The following PTPN1 variants were observed in gnomAD, a reference collection of about 807,000 sequenced individuals.
The protein encoded by PTPN1 is tyrosine-protein phosphatase non-receptor type 1.
PTPN1 carries 12 observed loss-of-function variants against 59.9 expected under a neutral mutation model. The ratio of observed to expected loss-of-function variants is 0.20; its 90% CI spans 0.13 to 0.32. PTPN1 has a LOEUF of 0.32. Ranked by LOEUF, PTPN1 falls within the 10% of genes least tolerant of loss-of-function variation. PTPN1 has a pLI of 1.00. For synonymous variants in PTPN1, 178 were observed against 203.6 expected, an observed-to-expected ratio of 0.87 and a Z score of 1.07; for missense variants, 356 against 549.2, an observed-to-expected ratio of 0.65 and a Z score of 3.52.
At chr20:50,551,501 A>G (rs959773600) in intron 1 of PTPN1, among the ~76,000 whole-genome samples, 2 of 152,250 alleles carry the variant, frequency 1.3e-5, no homozygotes, top group African/African-American at 2.4e-5. Flanking sequence ...ATTTACCTGT[A>G]AGCTTTGGGC....
At chr20:50,524,607 C>T (rs1275333099) in intron 1 of PTPN1, among the ~76,000 whole-genome samples, 3 of 81,530 alleles carry the variant, frequency 3.7e-5, no homozygotes, top group Non-Finnish European at 6.5e-5. Flanking sequence ...GGTGGAGTCT[C>T]GCTCTGTCAC....
At chr20:50,515,464 T>A (rs7360470) in intron 1 of PTPN1, among the ~76,000 whole-genome samples, 4,983 of 152,204 alleles carry the variant, frequency 0.033, 228 homozygotes, top group African/African-American at 0.1. Context: ...ATTTTTTTTT[T>A]AAATTTTTAT....
chr20:50,540,399 T>C (rs747725791), intron 1 of PTPN1, among the ~76,000 whole-genome samples: 1 of 152,038 alleles, frequency 6.6e-6, no homozygotes, highest in Non-Finnish European at 1.5e-5. Flanking sequence ...AACAGAAAAA[T>C]TATGAGAGAG....
intron 1 of PTPN1, 94 bp downstream of exon 1, chr20:50,510,684 C>T (rs908563226): frequency 7.7e-7 from 1 of 1,291,840 alleles, no homozygotes; most frequent in Non-Finnish European, 1.1e-6. Flanking sequence ...CTGGGTCTTG[C>T]CCTCTGCCTC....
rs373051248 is a variant in PTPN1 at position 50,582,654 on chromosome 20, G to C, written c.1285-38G>C. On this transcript the variant is annotated intron_variant, in intron 9 of 9. Transcript: ENST00000371621. This position sits in a 1 kb window ranked among gnomAD's most constrained non-coding sequence, Gnocchi z 4.2. ...CATGAGGCGACAGCTCTGCAGGTGC[G>C]GGTCTGGGCTCATCTGAACTGTTTG... 6.2e-7 allele frequency: 1 copy of C among 1,611,216 alleles called. No homozygotes were observed. The highest frequency in any genetic ancestry group is 1.1e-5 in the South Asian group (1 of 90,406).
At chr20:50,512,301 A>G (rs1372024198) in intron 1 of PTPN1, among the ~76,000 whole-genome samples, 7 of 152,242 alleles carry the variant, frequency 4.6e-5, no homozygotes, top group East Asian at 1.9e-4. Flanking sequence ...ACCCCATCAC[A>G]GTGGAAGCAT....
At chr20:50,531,122 C>G (rs560777570) in intron 1 of PTPN1, among the ~76,000 whole-genome samples, 2 of 152,244 alleles carry the variant, frequency 1.3e-5, no homozygotes, top group East Asian at 3.9e-4. Flanking sequence ...GGGCTACTTT[C>G]CTGGAGCCTT....
chr20:50,566,252 C>A (rs1024008759), intron 3 of PTPN1, among the ~76,000 whole-genome samples: 1 of 152,154 alleles, frequency 6.6e-6, no homozygotes, highest in African/African-American at 2.4e-5. Context: ...GAGGACTTTG[C>A]TTTTTGGAGA....
chr20:50,559,085 G>T (rs1288930997), intron 1 of PTPN1, among the ~76,000 whole-genome samples: 1 of 144,546 alleles, frequency 6.9e-6, no homozygotes, highest in East Asian at 2.0e-4. Flanking sequence ...AGGTTGGAGT[G>T]CAGTGGCGCC....
At chr20:50,521,830 T>G (rs2122724489) in intron 1 of PTPN1, among the ~76,000 whole-genome samples, 1 of 152,378 alleles carries the variant, frequency 6.6e-6, no homozygotes, top group East Asian at 1.9e-4. Context: ...GAGCTTACAC[T>G]GGCAGTGGTC....
intron 4 of PTPN1, 82 bp from the exon 5 acceptor site, chr20:50,574,435 C>G: frequency 6.6e-6 from 9 of 1,372,772 alleles, no homozygotes; most frequent in Non-Finnish European, 8.8e-6. Flanking sequence ...TATCATGAAG[C>G]TTGTGGGATG....
intron 1 of PTPN1, among the ~76,000 whole-genome samples, chr20:50,540,520 G>A (rs773332785): frequency 8.5e-5 from 13 of 152,140 alleles, no homozygotes; most frequent in Non-Finnish European, 1.5e-4. Context: ...ATCTGGCCCC[G>A]TGACCCAGAC....
intron 1 of PTPN1, among the ~76,000 whole-genome samples, chr20:50,557,452 A>G (rs2082730830): frequency 6.6e-6 from 1 of 152,072 alleles, no homozygotes; most frequent in Admixed American, 6.6e-5. Context: ...AAGGTGGATG[A>G]TTTAGTTTTC....
chr20:50,560,378 G>A (rs2082746503), intron 1 of PTPN1, among the ~76,000 whole-genome samples: 1 of 152,178 alleles, frequency 6.6e-6, no homozygotes, highest in Admixed American at 6.5e-5. Flanking sequence ...GGTCTTCCCA[G>A]ATGGCTCTAC....
At chr20:50,580,472 A>G (rs1265043632) in intron 8 of PTPN1, among the ~76,000 whole-genome samples, 1 of 152,220 alleles carries the variant, frequency 6.6e-6, no homozygotes, top group Non-Finnish European at 1.5e-5. Flanking sequence ...GGAAAAAGGC[A>G]GACCCAAAGC....
chr20:50,550,824 T>C (rs2082699123), intron 1 of PTPN1, among the ~76,000 whole-genome samples: 1 of 152,238 alleles, frequency 6.6e-6, no homozygotes, highest in Admixed American at 6.5e-5. Context: ...ACTTAGCAGA[T>C]AGCTTTAAAA....
intron 1 of PTPN1, among the ~76,000 whole-genome samples, chr20:50,518,234 T>C (rs1362237454): frequency 6.6e-6 from 1 of 152,148 alleles, no homozygotes; most frequent in Non-Finnish European, 1.5e-5. Flanking sequence ...GATTGTACAC[T>C]ATTGCGAATT....
chr20:50,575,439 C>T (rs1469942058), intron 5 of PTPN1, among the ~76,000 whole-genome samples: 2 of 152,098 alleles, frequency 1.3e-5, no homozygotes, highest in African/African-American at 2.4e-5. Context: ...AGGTCCTATA[C>T]GGGAAGGGTT....
chr20:50,537,006 A>C (rs1305053715), intron 1 of PTPN1, among the ~76,000 whole-genome samples: 4 of 152,182 alleles, frequency 2.6e-5, no homozygotes, highest in Non-Finnish European at 4.4e-5. Context: ...TGTTGACATA[A>C]TTGTAGATTC....
Sources: gnomAD v4.1 joint callset for allele counts (sites outside exome capture counted in the v4.1 genomes callset) on GRCh38, gnomAD v4.1.1 for gene constraint, Gnocchi (gnomAD v3.1) non-coding constraint, MANE v1.5 for transcripts, NCBI Gene and HGNC (gene_info 2026-07-23, HGNC 2026-07-21) for gene names.